FUT9: variants seen among roughly 807,000 people sequenced by gnomAD.
FUT9 encodes the protein 4-galactosyl-N-acetylglucosaminide 3-alpha-L-fucosyltransferase 9.
A neutral mutation model predicts 29.7 loss-of-function variants in FUT9; 15 were observed. That is an observed-to-expected ratio of 0.51 (90% CI 0.34 to 0.78). FUT9 has a LOEUF of 0.78. Among genes scored for constraint, FUT9 ranks in the 30% least tolerant of loss-of-function variants. The pLI, the probability that FUT9 is intolerant of heterozygous loss-of-function variation, is 0.01. For synonymous variants in FUT9, 169 were observed against 153.7 expected, an observed-to-expected ratio of 1.10 and a Z score of -0.74; for missense variants, 319 against 425.4, an observed-to-expected ratio of 0.75 and a Z score of 2.20.
chr6:96,167,453 A>C (rs1773034934), intron 2 of FUT9, among the ~76,000 whole-genome samples: 3 of 152,172 alleles, frequency 2.0e-5, no homozygotes, highest in Admixed American at 2.0e-4. Flanking sequence ...AAATATAGCT[A>C]ATGTTTATTA....
intron 2 of FUT9, among the ~76,000 whole-genome samples, chr6:96,157,696 A>C (rs1312635962): frequency 6.6e-6 from 1 of 152,176 alleles, no homozygotes; most frequent in African/African-American, 2.4e-5. Context: ...ATCTTATTTG[A>C]CATGTTTTAT....
At chr6:96,068,115 T>C (rs561348408) in intron 1 of FUT9, among the ~76,000 whole-genome samples, 4 of 152,278 alleles carry the variant, frequency 2.6e-5, no homozygotes, top group East Asian at 3.9e-4. Flanking sequence ...GGATTAATCA[T>C]TTTAGTCATC....
At chr6:96,061,952 G>A (rs1014282149) in intron 1 of FUT9, among the ~76,000 whole-genome samples, 1 of 152,114 alleles carries the variant, frequency 6.6e-6, no homozygotes, top group Non-Finnish European at 1.5e-5. Context: ...ATATTATTTT[G>A]TCTTATCTGA....
At chr6:96,115,231 A>G (rs916455415) in intron 2 of FUT9, among the ~76,000 whole-genome samples, 1 of 152,220 alleles carries the variant, frequency 6.6e-6, no homozygotes, top group Non-Finnish European at 1.5e-5. Flanking sequence ...AGTAAAAATA[A>G]GCAGGTGAAA....
At chr6:96,151,332 C>A (rs9377431) in intron 2 of FUT9, among the ~76,000 whole-genome samples, 24,195 of 152,002 alleles carry the variant, frequency 0.16, 2,137 homozygotes, top group Admixed American at 0.25. Context: ...AAATACATTA[C>A]AATATCTGAA....
intron 2 of FUT9, among the ~76,000 whole-genome samples, chr6:96,143,601 A>G (rs939290123): frequency 6.7e-6 from 1 of 150,056 alleles, no homozygotes; most frequent in Non-Finnish European, 1.5e-5. Flanking sequence ...CCCTTTCCCC[A>G]TATCTCAACC....
At chr6:96,121,226 C>A (rs1772021385) in intron 2 of FUT9, among the ~76,000 whole-genome samples, 1 of 152,156 alleles carries the variant, frequency 6.6e-6, no homozygotes, top group Admixed American at 6.5e-5. Flanking sequence ...ATTCTTTTCT[C>A]TTCTTATCCC....
chr6:96,181,296 T>C (rs1184786742), intron 2 of FUT9, among the ~76,000 whole-genome samples: 1 of 152,082 alleles, frequency 6.6e-6, no homozygotes, highest in Non-Finnish European at 1.5e-5. Context: ...TAAAACATCC[T>C]ACTAGCTTCC....
intron 2 of FUT9, among the ~76,000 whole-genome samples, chr6:96,152,726 GTTGTAA>G: frequency 6.6e-6 from 1 of 152,136 alleles, no homozygotes; most frequent in Non-Finnish European, 1.5e-5. Context: ...ACTATGATTT[GTTGTAA>G]GACTTTGCCT....
intron 1 of FUT9, among the ~76,000 whole-genome samples, chr6:96,039,368 G>A (rs888338380): frequency 2.6e-5 from 4 of 152,016 alleles, no homozygotes; most frequent in Non-Finnish European, 5.9e-5. Context: ...AATCACGTTC[G>A]TGCTTACTAC....
intron 2 of FUT9, among the ~76,000 whole-genome samples, chr6:96,197,635 C>A (rs1773650100): frequency 6.6e-6 from 1 of 152,046 alleles, no homozygotes; most frequent in Admixed American, 6.6e-5. Context: ...AGTACACATA[C>A]ACAAAAAAAT....
At chr6:96,053,380 A>T (rs1582196412) in intron 1 of FUT9, among the ~76,000 whole-genome samples, 1 of 152,146 alleles carries the variant, frequency 6.6e-6, no homozygotes, top group Non-Finnish European at 1.5e-5. Flanking sequence ...AACTCCAACA[A>T]CTGAACCTGA....
At chr6:96,200,262 C>T (rs1450731159) in intron 2 of FUT9, among the ~76,000 whole-genome samples, 4 of 152,178 alleles carry the variant, frequency 2.6e-5, no homozygotes, top group South Asian at 2.1e-4. Flanking sequence ...TTCAACTCAT[C>T]GTTAAATAGT....
At chr6:96,064,160 T>G (rs1770922753) in intron 1 of FUT9, among the ~76,000 whole-genome samples, 1 of 152,148 alleles carries the variant, frequency 6.6e-6, no homozygotes, top group South Asian at 2.1e-4. Flanking sequence ...AGTGGATAAG[T>G]TGCTTGTTCA....
At chr6:96,017,863 C>T (rs1417676741) in intron 1 of FUT9, among the ~76,000 whole-genome samples, 1 of 152,106 alleles carries the variant, frequency 6.6e-6, no homozygotes, top group Non-Finnish European at 1.5e-5. Context: ...TCTCAGGCTA[C>T]ATAAGAAATA....
intron 1 of FUT9, among the ~76,000 whole-genome samples, chr6:96,098,219 T>C (rs1327478994): frequency 6.6e-6 from 1 of 152,200 alleles, no homozygotes; most frequent in Non-Finnish European, 1.5e-5. Flanking sequence ...GTCAACTACT[T>C]TTTATAAAGC....
chr6:96,055,386 G>T (rs576292963), intron 1 of FUT9, among the ~76,000 whole-genome samples: 3,299 of 149,262 alleles, frequency 0.022, 46 homozygotes, highest in Non-Finnish European at 0.029. Context: ...TTTGGGGTTT[G>T]TTTTTTTTCT....
intron 1 of FUT9, among the ~76,000 whole-genome samples, chr6:96,086,353 G>C (rs1771316503): frequency 6.6e-6 from 1 of 151,978 alleles, no homozygotes; most frequent in African/African-American, 2.4e-5. Flanking sequence ...TATTTTTCCT[G>C]CTTATCAATT....
At chr6:96,040,049 G>A (rs886603113) in intron 1 of FUT9, among the ~76,000 whole-genome samples, 1 of 151,698 alleles carries the variant, frequency 6.6e-6, no homozygotes, top group African/African-American at 2.4e-5. Flanking sequence ...ATGTTAAGTA[G>A]CGATAACTAA....
Sources: gnomAD v4.1 joint callset for allele counts (sites outside exome capture counted in the v4.1 genomes callset) on GRCh38, gnomAD v4.1.1 for gene constraint, MANE v1.5 for transcripts, NCBI Gene and HGNC (gene_info 2026-07-23, HGNC 2026-07-21) for gene names.